The following KIN variants were observed in gnomAD, a reference collection of about 807,000 sequenced individuals.
KIN encodes Kin17 DNA and RNA binding protein, also known as DNA/RNA-binding protein KIN17.
In KIN, 47 loss-of-function variants were observed where a neutral mutation model predicts 63.0. The ratio of observed to expected loss-of-function variants is 0.75; its 90% CI spans 0.59 to 0.95. The LOEUF (loss-of-function observed/expected upper bound fraction) is 0.95. Ranked by LOEUF, KIN falls within the 40% of genes least tolerant of loss-of-function variation. The probability of loss-of-function intolerance (pLI) is 0.00; values close to 1 mark genes in which losing one functional copy is unlikely to be tolerated. For missense variants in KIN, 408 were observed against 460.9 expected (o/e 0.89, Z 1.05); for synonymous variants, 160 against 157.7 (o/e 1.01, Z -0.11).
chr10:7,769,408 T>C, intron 7 of KIN, 63 bp from the exon 8 acceptor site: 1 of 1,507,166 alleles, frequency 6.6e-7, no homozygotes, highest in Non-Finnish European at 9.0e-7. Flanking sequence ...CTTTACGATG[T>C]GCAAAATTCA....
intron 11 of KIN, among the ~76,000 whole-genome samples, chr10:7,761,863 G>A (rs1180027911): frequency 6.6e-6 from 1 of 152,110 alleles, no homozygotes. Flanking sequence ...TTAGCCAGAT[G>A]TGGTGATGCA....
At chr10:7,764,898 G>A (rs987954911) in intron 9 of KIN, among the ~76,000 whole-genome samples, 1 of 151,864 alleles carries the variant, frequency 6.6e-6, no homozygotes, top group African/African-American at 2.4e-5. Context: ...GGTGGCTCAC[G>A]CCTGTAATCC....
intron 12 of KIN, among the ~76,000 whole-genome samples, chr10:7,759,333 C>T (rs1224515858): frequency 1.3e-5 from 2 of 152,064 alleles, no homozygotes; most frequent in Non-Finnish European, 2.9e-5. Context: ...AAGTCAATAA[C>T]CAACTTTATT....
rs369630314 is a variant in KIN at position 7,751,608 on chromosome 10, T to G, written c.*4472A>C. ...TGCTGAAGAGGTAAATAGCACTACC[T>G]CTTAGTTTTCTTCTTCTATAAGAAG... is the stretch of plus-strand genomic sequence containing the variant. On this transcript the variant is annotated 3_prime_UTR_variant, in exon 13 of 13. Coordinates refer to ENST00000379562, the MANE Select transcript of KIN (RefSeq NM_012311.4). 6.6e-5 allele frequency: 10 copies of G among 152,184 alleles called. No homozygotes were observed. The highest frequency in any genetic ancestry group is 2.4e-4 in the African/African-American group (10 of 41,448). The allele number at this position is 152,184 out of a possible 1,614,324, so 9.4% of individuals were successfully genotyped here. A position where few individuals can be genotyped will look rare whatever the true frequency, so the allele number is the denominator to read the frequency against.
At chr10:7,782,834 T>C (rs1450155924) in intron 2 of KIN, among the ~76,000 whole-genome samples, 3 of 152,174 alleles carry the variant, frequency 2.0e-5, no homozygotes, top group African/African-American at 7.2e-5. Flanking sequence ...TTTGTCACAA[T>C]TGTATTAGAA....
intron 8 of KIN, among the ~76,000 whole-genome samples, chr10:7,767,067 C>A (rs1835560576): frequency 6.6e-6 from 1 of 150,936 alleles, no homozygotes; most frequent in Non-Finnish European, 1.5e-5. Flanking sequence ...ACCTTTTCAA[C>A]AAACAGTGTT....
At position 7,769,231 on chromosome 10, in the gene KIN, C is replaced by T. The variant is rs758483908; in HGVS notation, c.783G>A (p.Leu261=). Residue 261 remains leucine, a synonymous_variant, in exon 8 of 13, where the codon CTG becomes CTA. Coordinates refer to ENST00000379562, the MANE Select transcript of KIN (RefSeq NM_012311.4). ...TAAACTGTACCTCCATGATTTCATC[C>T]AGTGCAGATTTCTTTTTCTTCTTTT... ...SKEKKKKKSA[L]DEIMEIEEEK... 2 of 1,611,850 alleles carry T rather than the reference C, an allele frequency of 1.2e-6. No individual in the cohort carries two copies. Among genetic ancestry groups the T allele is most frequent in the South Asian group, 1.1e-5 (1 of 90,742 alleles).
chr10:7,776,059 T>G (rs1288619405), intron 5 of KIN, among the ~76,000 whole-genome samples: 1 of 151,874 alleles, frequency 6.6e-6, no homozygotes, highest in Non-Finnish European at 1.5e-5. Flanking sequence ...AAACCCTGTC[T>G]CTGCTAAAAA....
At chr10:7,786,110 T>A (rs1179102974) in intron 1 of KIN, among the ~76,000 whole-genome samples, 1 of 152,176 alleles carries the variant, frequency 6.6e-6, no homozygotes, top group Non-Finnish European at 1.5e-5. Flanking sequence ...TAACACCTCG[T>A]TGCAGGATGT....
chr10:7,785,918 A>G (rs961957203), intron 1 of KIN, among the ~76,000 whole-genome samples: 15 of 152,236 alleles, frequency 9.9e-5, no homozygotes, highest in African/African-American at 3.4e-4. Context: ...CTAATAACTC[A>G]GAGCACAGAG....
intron 1 of KIN, 43 bp downstream of exon 1, chr10:7,787,777 A>T: frequency 6.9e-7 from 1 of 1,452,180 alleles, no homozygotes; most frequent in Non-Finnish European, 9.7e-7. Context: ...CTGGATTGCC[A>T]GGGGCCCTCC....
intron 8 of KIN, among the ~76,000 whole-genome samples, chr10:7,767,222 C>T (rs1167155828): frequency 6.6e-6 from 1 of 152,010 alleles, no homozygotes; most frequent in Non-Finnish European, 1.5e-5. Flanking sequence ...TCATACGCCA[C>T]CAGGTGCTTG....
chr10:7,786,144 G>A (rs1463913125), intron 1 of KIN, among the ~76,000 whole-genome samples: 2 of 152,162 alleles, frequency 1.3e-5, no homozygotes, highest in African/African-American at 4.8e-5. Flanking sequence ...GACTGGAGAG[G>A]GGAGCGGAGG....
In KIN at chr10:7,759,907, T is replaced by C; in HGVS notation, c.1102A>G (p.Thr368Ala). 1.3e-6 allele frequency: 2 copies of C among 1,541,480 alleles called. No individual in the cohort carries two copies. Among genetic ancestry groups the C allele is most frequent in the Non-Finnish European group, 1.8e-6 (2 of 1,125,944 alleles). ...ESINEKTFSATIVIETGPLKG... is the reference protein window; with the variant it reads ...ESINEKTFSAAIVIETGPLKG... ...AAACTTACAGTTTCAATGACGATAG[T>C]AGCTGAAAAAGTCTTCTCATTGATG... is the stretch of plus-strand genomic sequence containing the variant. The change falls in exon 12 of 13, where the codon ACT becomes GCT. Residue 368 changes from threonine to alanine, a missense_variant. By Grantham distance (58) the Thr-to-Ala change is moderately conservative. Transcript: ENST00000379562.
chr10:7,782,238 G>C (rs2131032547), intron 2 of KIN, among the ~76,000 whole-genome samples: 1 of 152,118 alleles, frequency 6.6e-6, no homozygotes, highest in African/African-American at 2.4e-5. Context: ...GAAAGAGATG[G>C]TAAGAAGCAA....
At chr10:7,779,129 C>T (rs1362354819) in intron 4 of KIN, 110 bp from the exon 5 acceptor site, 12 of 1,276,656 alleles carry the variant, frequency 9.4e-6, no homozygotes, top group East Asian at 7.0e-5. Context: ...CAAATCAGGC[C>T]GAGCGCAGTG....
intron 9 of KIN, among the ~76,000 whole-genome samples, chr10:7,765,207 T>A (rs1835518888): frequency 6.8e-6 from 1 of 147,428 alleles, no homozygotes; most frequent in African/African-American, 2.5e-5. Context: ...GGGCCAGTAA[T>A]CCTAACACCC....
chr10:7,759,962 G>T lies in KIN; in HGVS notation c.1047C>A (p.Gly349=). ...CTAGGGTACCTTCATTTCCTCTGTA[G>T]CCTCCATTTAAAACTAGAATTCTTT... ...PGKRILVLNG[G]YRGNEGTLES... is the part of the protein sequence containing the mutation. The change falls in exon 12 of 13, where the codon GGC becomes GGA. Residue 349 remains glycine, a synonymous_variant. Transcript: ENST00000379562. 6.5e-7 allele frequency: 1 copy of T among 1,528,478 alleles called. No individual in the cohort carries two copies. Among genetic ancestry groups the T allele is most frequent in the Non-Finnish European group, 8.8e-7 (1 of 1,134,802 alleles). 94.7% of individuals were successfully genotyped at this position (1,528,478 alleles called of 1,614,324 possible).
Position 7,751,644 on chromosome 10 carries a change from T to C in KIN, c.*4436A>G, listed in dbSNP as rs1835245498. On this transcript the variant is annotated 3_prime_UTR_variant, in exon 13 of 13. Coordinates refer to ENST00000379562, the MANE Select transcript of KIN (RefSeq NM_012311.4). The stretch of plus-strand genomic sequence containing the variant: ...TTCTTCTATAAGAAGTGCTCACCTA[T>C]GATACCCTTTTGAAAAACCTACTGC... 1 of 152,206 alleles carries C rather than the reference T, an allele frequency of 6.6e-6. No homozygotes were observed. The highest frequency in any genetic ancestry group is 1.5e-5 in the Non-Finnish European group (1 of 68,038). The allele number at this position is 152,206 out of a possible 1,614,324, so 9.4% of individuals were successfully genotyped here.
Sources: gnomAD v4.1 joint callset for allele counts (sites outside exome capture counted in the v4.1 genomes callset) on GRCh38, gnomAD v4.1.1 for gene constraint, MANE v1.5 for transcripts, NCBI Gene and HGNC (gene_info 2026-07-23, HGNC 2026-07-21) for gene names.